The following INTS8 variants were observed in gnomAD, a reference collection of about 807,000 sequenced individuals.
The protein encoded by INTS8 is integrator complex subunit 8, also known as protein kaonashi-1.
In INTS8, 47 loss-of-function variants were observed where a neutral mutation model predicts 138.9. The observed-to-expected ratio is 0.34, with a 90% CI of 0.27 to 0.43. The LOEUF (loss-of-function observed/expected upper bound fraction) is 0.43. Ranked by LOEUF, INTS8 falls within the 20% of genes least tolerant of loss-of-function variation. INTS8 has a pLI of 1.00. For synonymous variants in INTS8, 392 were observed against 400.9 expected (o/e 0.98, Z 0.27); for missense variants, 996 against 1,173.0 (o/e 0.85, Z 2.20).
intron 6 of INTS8, among the ~76,000 whole-genome samples, chr8:94,836,169 T>C (rs1814920817): frequency 6.6e-6 from 1 of 152,166 alleles, no homozygotes; most frequent in Non-Finnish European, 1.5e-5. Context: ...TCCGGGTGGC[T>C]ATGGGTGACA....
rs558509639 is a variant in INTS8 at position 94,850,310 on chromosome 8, T to TA, written c.1507+223dup. Among the ~76,000 whole-genome samples the TA allele has an allele frequency of 2.8e-3, 419 of 152,106 alleles. 3 individuals are homozygous for TA. The highest frequency in any genetic ancestry group is 9.5e-3 in the African/African-American group (393 of 41,556). ...TAGTACAGATTCAGTCCTAGATACA[T>TA]AAAAGATTTTAGCTGGGGAAGGCTG... On this transcript the variant is annotated intron_variant, in intron 12 of 26. Coordinates refer to ENST00000523731, the MANE Select transcript of INTS8 (RefSeq NM_017864.4).
chr8:94,874,517 G>A (rs1267052030), intron 22 of INTS8, 35 bp from the exon 23 acceptor site: 1 of 1,216,260 alleles, frequency 8.2e-7, no homozygotes, highest in Non-Finnish European at 1.2e-6. Flanking sequence ...CATGTTAGCT[G>A]GTTTTTGAAA....
In INTS8 at chr8:94,849,941, C is replaced by G. The variant is rs759391458; in HGVS notation, c.1357C>G (p.Leu453Val). Reference protein sequence around the residue: ...LKNVCLGLEDLQYVFMISSHE... With the variant: ...LKNVCLGLEDVQYVFMISSHE... ...GAATGTGTGTCTGGGGTTGGAAGATCTGCAGTATGTTTTCATGATTTCTTC... is the reference window on the plus strand; with the variant it reads ...GAATGTGTGTCTGGGGTTGGAAGATGTGCAGTATGTTTTCATGATTTCTTC... Residue 453 changes from leucine (L) to valine (V), a missense_variant, in exon 12 of 27, where the codon CTG (leucine) becomes GTG (valine). Transcript: ENST00000523731. The G allele has an allele frequency of 1.1e-5, 18 of 1,611,702 alleles. No individual in the cohort carries two copies. Among genetic ancestry groups the G allele is most frequent in the Non-Finnish European group, 3.4e-6 (4 of 1,178,814 alleles).
At chr8:94,826,865 G>A (rs990578903) in intron 2 of INTS8, among the ~76,000 whole-genome samples, 1 of 152,164 alleles carries the variant, frequency 6.6e-6, no homozygotes, top group South Asian at 2.1e-4. Flanking sequence ...CAGCACTGTG[G>A]GAGGCTGAGG....
chr8:94,823,625 C>T (rs955971451), intron 1 of INTS8, 64 bp downstream of exon 1: 10 of 1,314,868 alleles, frequency 7.6e-6, no homozygotes, highest in South Asian at 2.9e-5. Flanking sequence ...CCCAGCTTCC[C>T]TCCGCTCCCC....
At chr8:94,861,036 G>T (rs1223127313) in intron 16 of INTS8, among the ~76,000 whole-genome samples, 4 of 136,572 alleles carry the variant, frequency 2.9e-5, no homozygotes, top group Non-Finnish European at 4.6e-5. Flanking sequence ...CAGCCTGGGC[G>T]ACAGAGTGAG....
intron 20 of INTS8, among the ~76,000 whole-genome samples, chr8:94,869,235 C>T (rs183474024): frequency 6.6e-6 from 1 of 151,924 alleles, no homozygotes; most frequent in Admixed American, 6.6e-5. Context: ...CACACCTCAG[C>T]CTCCCAAAGT....
chr8:94,856,601 T>C (rs1815754757), intron 14 of INTS8, among the ~76,000 whole-genome samples, 176 bp from the exon 15 acceptor site: 1 of 152,176 alleles, frequency 6.6e-6, no homozygotes. Flanking sequence ...TTATTAAATA[T>C]TTTTTGGAAT....
intron 2 of INTS8, among the ~76,000 whole-genome samples, chr8:94,825,437 AAAAAT>A (rs1234317751): frequency 6.2e-4 from 94 of 151,006 alleles, no homozygotes; most frequent in African/African-American, 2.1e-3. Flanking sequence ...GAAAAAAAAA[AAAAAT>A]AATAAAATAA....
chr8:94,870,115 G>C (rs1015013972), intron 20 of INTS8, among the ~76,000 whole-genome samples: 2 of 151,372 alleles, frequency 1.3e-5, no homozygotes, highest in Non-Finnish European at 2.9e-5. Flanking sequence ...GCAGTAGCGC[G>C]ATCTTGGCTC....
intron 10 of INTS8, among the ~76,000 whole-genome samples, chr8:94,843,265 T>C (rs2131017893): frequency 6.6e-6 from 1 of 152,330 alleles, no homozygotes; most frequent in South Asian, 2.1e-4. Context: ...ACAATTTTTT[T>C]CATTGCTTTA....
At position 94,880,968 on chromosome 8, in the gene INTS8, T is replaced by G. The variant is rs1329681030; in HGVS notation, c.*734T>G. On this transcript the variant is annotated 3_prime_UTR_variant, in exon 27 of 27. Coordinates refer to ENST00000523731, the MANE Select transcript of INTS8 (RefSeq NM_017864.4). The stretch of plus-strand genomic sequence containing the variant: ...TAATTTCTTTGGTACTCCCACTGTT[T>G]AGAGCACAGGTTGAACACCATGTTC... 3 of 398,688 alleles carry G rather than the reference T, an allele frequency of 7.5e-6. No individual in the cohort carries two copies. The highest frequency in any genetic ancestry group is 2.1e-5 in the African/African-American group (1 of 48,638). 24.7% of individuals were successfully genotyped at this position (398,688 alleles called of 1,614,324 possible).
chr8:94,827,473 A>G, intron 3 of INTS8, 70 bp downstream of exon 3: 1 of 1,512,540 alleles, frequency 6.6e-7, no homozygotes, highest in East Asian at 2.3e-5. Flanking sequence ...TTTCAAGGAT[A>G]TTCTTTTAAT....
At chr8:94,868,229 C>T (rs774517959) in intron 20 of INTS8, among the ~76,000 whole-genome samples, 3 of 152,184 alleles carry the variant, frequency 2.0e-5, no homozygotes, top group Non-Finnish European at 4.4e-5. Context: ...CATAGCACTT[C>T]TCATGTAGGG....
At chr8:94,854,625 ACT>A (rs767207716) in intron 14 of INTS8, among the ~76,000 whole-genome samples, 1 of 152,240 alleles carries the variant, frequency 6.6e-6, no homozygotes, top group Non-Finnish European at 1.5e-5. Flanking sequence ...CTGATCATAC[ACT>A]GAGTTCTTTA....
rs713113 is a variant in INTS8 at position 94,865,559 on chromosome 8, T to C, written c.2130T>C (p.Ser710=). 859,427 of 1,613,356 alleles carry C rather than the reference T, an allele frequency of 0.53. 231,104 individuals carry two copies. Among genetic ancestry groups the C allele is most frequent in the East Asian group, 0.65 (29,186 of 44,856 alleles). The change falls in exon 17 of 27, where the codon AGT becomes AGC. Residue 710 remains serine, a synonymous_variant. Coordinates refer to ENST00000523731, the MANE Select transcript of INTS8 (RefSeq NM_017864.4). ...TCKELPGPKE[S]RRTAKDLWEV... is the part of the protein sequence containing the mutation. Reference sequence around the variant, plus strand: ...AAGAACTTCCAGGCCCTAAAGAAAGTAGACGGACTGCCAAAGACCTTTGGG... The same window carrying C: ...AAGAACTTCCAGGCCCTAAAGAAAGCAGACGGACTGCCAAAGACCTTTGGG...
intron 20 of INTS8, chr8:94,868,689 T>A (rs1182323838): frequency 6.6e-6 from 1 of 152,200 alleles, no homozygotes; most frequent in African/African-American, 2.4e-5. Flanking sequence ...TCTTTTTTTT[T>A]AGACATCACG....
At chr8:94,826,846 C>G (rs997297515) in intron 2 of INTS8, among the ~76,000 whole-genome samples, 2 of 152,194 alleles carry the variant, frequency 1.3e-5, no homozygotes, top group Non-Finnish European at 2.9e-5. Context: ...TGGCTCACGC[C>G]TGTAATCCCA....
chr8:94,860,629 A>G, intron 16 of INTS8, among the ~76,000 whole-genome samples: 1 of 149,446 alleles, frequency 6.7e-6, no homozygotes, highest in Admixed American at 6.6e-5. Flanking sequence ...TAAAACATGT[A>G]GTGATTTAAC....
Sources: gnomAD v4.1 joint callset for allele counts (sites outside exome capture counted in the v4.1 genomes callset) on GRCh38, gnomAD v4.1.1 for gene constraint, MANE v1.5 for transcripts, NCBI Gene and HGNC (gene_info 2026-07-23, HGNC 2026-07-21) for gene names.